LEMD1: variants seen among roughly 807,000 people sequenced by gnomAD.
The protein encoded by LEMD1 is LEM domain-containing protein 1.
In LEMD1, 18 loss-of-function variants were observed where a neutral mutation model predicts 17.4. The observed-to-expected ratio is 1.04, with a 90% CI of 0.72 to 1.54. LEMD1 has a LOEUF of 1.54. Ranked by LOEUF, LEMD1 falls within the 40% of genes most tolerant of loss-of-function variation. The pLI, the probability that LEMD1 is intolerant of heterozygous loss-of-function variation, is 0.00. For missense variants in LEMD1, 195 were observed against 210.4 expected (o/e 0.93, Z 0.45); for synonymous variants, 88 against 77.8 (o/e 1.13, Z -0.69).
At chr1:205,427,592 A>G (rs1037969122) in intron 1 of LEMD1, among the ~76,000 whole-genome samples, 1 of 152,168 alleles carries the variant, frequency 6.6e-6, no homozygotes, top group African/African-American at 2.4e-5. Context: ...GTCATGAAAT[A>G]GGAGACCACA....
intron 4 of LEMD1, among the ~76,000 whole-genome samples, chr1:205,389,937 C>T (rs554961048): frequency 1.3e-3 from 204 of 152,272 alleles, no homozygotes; most frequent in Non-Finnish European, 2.3e-3. Context: ...TTATTTAAAA[C>T]GTTGTGTTCT....
intron 4 of LEMD1, among the ~76,000 whole-genome samples, chr1:205,394,605 G>C (rs964406035): frequency 1.3e-5 from 2 of 152,186 alleles, no homozygotes; most frequent in African/African-American, 4.8e-5. Flanking sequence ...GGCTGGACTC[G>C]AACTTCTGAC....
intron 1 of LEMD1, among the ~76,000 whole-genome samples, chr1:205,430,404 T>C (rs1666109145): frequency 6.6e-6 from 1 of 151,970 alleles, no homozygotes. Flanking sequence ...CAGTTGTAAC[T>C]AGGAAGTATA....
At chr1:205,402,652 A>G (rs908739130) in intron 4 of LEMD1, among the ~76,000 whole-genome samples, 3 of 152,106 alleles carry the variant, frequency 2.0e-5, no homozygotes, top group African/African-American at 4.8e-5. Context: ...GCAAACAGGG[A>G]CAATTTGACT....
intron 1 of LEMD1, among the ~76,000 whole-genome samples, chr1:205,446,074 C>T (rs764412856): frequency 2.6e-5 from 4 of 152,180 alleles, no homozygotes; most frequent in East Asian, 1.9e-4. Flanking sequence ...AAGTTTCAGC[C>T]GTCTGCAGGC....
intron 4 of LEMD1, among the ~76,000 whole-genome samples, chr1:205,409,388 T>C (rs925866808): frequency 3.9e-5 from 6 of 152,244 alleles, no homozygotes; most frequent in Non-Finnish European, 7.3e-5. Flanking sequence ...ATAATGTTAA[T>C]GATAATAATA....
chr1:205,414,053 G>A (rs565766675), intron 4 of LEMD1, among the ~76,000 whole-genome samples: 72 of 152,282 alleles, frequency 4.7e-4, no homozygotes, highest in Admixed American at 2.6e-4. Context: ...ATGGTTCATG[G>A]GAAGACAGTG....
intron 4 of LEMD1, among the ~76,000 whole-genome samples, chr1:205,392,140 G>T (rs962609010): frequency 1.3e-5 from 2 of 151,642 alleles, no homozygotes; most frequent in Non-Finnish European, 2.9e-5. Context: ...AACCATCCAG[G>T]GTCTCCTGAG....
chr1:205,436,555 C>T (rs3795552), intron 1 of LEMD1: 7,105 of 152,228 alleles, frequency 0.047, 210 homozygotes, highest in Middle Eastern at 0.12. Flanking sequence ...GGCAGATACC[C>T]TTGTCAGCAA....
chr1:205,403,876 T>C (rs1322993318), intron 4 of LEMD1, among the ~76,000 whole-genome samples: 3 of 152,186 alleles, frequency 2.0e-5, no homozygotes, highest in East Asian at 1.9e-4. Context: ...GCTTTGAATG[T>C]GTCCCAGAGA....
intron 1 of LEMD1, among the ~76,000 whole-genome samples, chr1:205,431,901 G>C (rs1216962782): frequency 6.6e-6 from 1 of 152,136 alleles, no homozygotes; most frequent in Admixed American, 6.6e-5. Flanking sequence ...ATTTTTAATA[G>C]AGACGGGGTT....
chr1:205,384,838 ATG>A (rs1663911409), intron 4 of LEMD1, among the ~76,000 whole-genome samples: 1 of 152,098 alleles, frequency 6.6e-6, no homozygotes, highest in African/African-American at 2.4e-5. Context: ...ACTCCCAGGA[ATG>A]TGAAGATGGG....
At chr1:205,394,034 G>A (rs1209069280) in intron 4 of LEMD1, among the ~76,000 whole-genome samples, 1 of 152,182 alleles carries the variant, frequency 6.6e-6, no homozygotes, top group Non-Finnish European at 1.5e-5. Flanking sequence ...AAAAAGGAAT[G>A]AAGTGCTGAC....
At chr1:205,386,614 C>A (rs183708022) in intron 4 of LEMD1, 1 of 152,504 alleles carries the variant, frequency 6.6e-6, no homozygotes, top group East Asian at 1.9e-4. Flanking sequence ...CCTGTGCCCC[C>A]CTTCTTAAAC....
chr1:205,392,666 T>C lies in LEMD1; in HGVS notation c.271-8302A>G, dbSNP rs184164266. On this transcript the variant is annotated intron_variant, in intron 4 of 5. Coordinates refer to ENST00000367153, the MANE Select transcript of LEMD1 (RefSeq NM_001199050.2). ...AACAATATAAATCACCCAAGCTGAA[T>C]GACAGAGAGAAAATAGAAAAAAATA... Among the ~76,000 whole-genome samples the C allele has an allele frequency of 1.3e-4, 19 of 151,984 alleles. No individual in the cohort carries two copies. In the East Asian group the frequency reaches 3.7e-3, roughly 29 times the overall value.
chr1:205,384,754 A>G (rs1460790234), intron 4 of LEMD1, among the ~76,000 whole-genome samples: 1 of 152,212 alleles, frequency 6.6e-6, no homozygotes. Context: ...CAAGTTGACT[A>G]TGAACAAGGA....
intron 1 of LEMD1, chr1:205,437,493 G>A (rs1666229180): frequency 6.6e-6 from 1 of 152,286 alleles, no homozygotes; most frequent in Admixed American, 6.5e-5. Flanking sequence ...CCTGGGCCCT[G>A]GCTAGGGGAA....
At chr1:205,382,572 A>G (rs1409498226) in intron 5 of LEMD1, among the ~76,000 whole-genome samples, 13 of 152,072 alleles carry the variant, frequency 8.5e-5, no homozygotes, top group Admixed American at 8.5e-4. Flanking sequence ...CTCTAATTTC[A>G]ACAAGTGATA....
chr1:205,447,531 G>A (rs1030892660), intron 1 of LEMD1, among the ~76,000 whole-genome samples: 2 of 152,078 alleles, frequency 1.3e-5, no homozygotes, highest in East Asian at 1.9e-4. Flanking sequence ...GCCACCTGTT[G>A]GAATCTTCCA....
Sources: gnomAD v4.1 joint callset for allele counts (sites outside exome capture counted in the v4.1 genomes callset) on GRCh38, gnomAD v4.1.1 for gene constraint, MANE v1.5 for transcripts, NCBI Gene and HGNC (gene_info 2026-07-23, HGNC 2026-07-21) for gene names.